The following ANK3 variants were observed in gnomAD, a reference collection of about 807,000 sequenced individuals.
ANK3 encodes the protein ankyrin 3, also known as ankyrin-3.
Under a neutral mutation model 370.9 loss-of-function variants are expected in ANK3, and 57 were observed. The ratio of observed to expected loss-of-function variants is 0.15; its 90% CI spans 0.12 to 0.19. The LOEUF is 0.19. ANK3 is among the 10% of genes least tolerant of loss of function. The pLI is 1.00. For missense variants in ANK3, 4,439 were observed against 5,302.1 expected, an observed-to-expected ratio of 0.84 and a Z score of 5.06; for synonymous variants, 1,929 against 1,946.3, an observed-to-expected ratio of 0.99 and a Z score of 0.23.
At chr10:60,204,364 T>C (rs553558995) in intron 11 of ANK3, among the ~76,000 whole-genome samples, 1 of 152,140 alleles carries the variant, frequency 6.6e-6, no homozygotes, top group South Asian at 2.1e-4. Flanking sequence ...GAATTTACTT[T>C]TATTTTAGAG....
intron 2 of ANK3, among the ~76,000 whole-genome samples, chr10:60,579,919 C>T (rs1053978736): frequency 6.6e-6 from 1 of 152,204 alleles, no homozygotes; most frequent in East Asian, 1.9e-4. Context: ...TAAGAATCAG[C>T]AGTGAAAATG....
At chr10:60,668,757 G>C (rs2133378922) in intron 1 of ANK3, among the ~76,000 whole-genome samples, 1 of 152,234 alleles carries the variant, frequency 6.6e-6, no homozygotes, top group East Asian at 1.9e-4. Flanking sequence ...ACTTTGGGAG[G>C]CTGAGGCGGG....
At chr10:60,496,812 G>A (rs2075670461) in intron 2 of ANK3, among the ~76,000 whole-genome samples, 1 of 151,778 alleles carries the variant, frequency 6.6e-6, no homozygotes, top group Non-Finnish European at 1.5e-5. Context: ...TGCTTGGCCG[G>A]GAGGTAGGTC....
chr10:60,684,823 A>T (rs922125761), intron 1 of ANK3: 1 of 1,527,320 alleles, frequency 6.5e-7, no homozygotes, highest in Non-Finnish European at 9.0e-7. Context: ...TGATATCGAA[A>T]GGATGGAAGA....
At chr10:60,253,177 T>G (rs939345176) in intron 7 of ANK3, among the ~76,000 whole-genome samples, 3 of 152,190 alleles carry the variant, frequency 2.0e-5, no homozygotes, top group Non-Finnish European at 4.4e-5. Context: ...GGAGGGAAGC[T>G]GAAGACTACC....
At chr10:60,475,297 A>T (rs2075033106) in intron 2 of ANK3, among the ~76,000 whole-genome samples, 1 of 151,794 alleles carries the variant, frequency 6.6e-6, no homozygotes, top group Admixed American at 6.6e-5. Context: ...TGACAGAAAA[A>T]GTTTTACCAT....
At chr10:60,096,338 T>C (rs1589925719) in intron 28 of ANK3, among the ~76,000 whole-genome samples, 1 of 152,292 alleles carries the variant, frequency 6.6e-6, no homozygotes, top group East Asian at 1.9e-4. Context: ...TCCTTACTAA[T>C]TAGGTCAAAG....
chr10:60,525,881 C>G (rs983306862), intron 2 of ANK3, among the ~76,000 whole-genome samples: 1 of 152,076 alleles, frequency 6.6e-6, no homozygotes, highest in Non-Finnish European at 1.5e-5. Flanking sequence ...GATGTGAAAG[C>G]TCTAACATTA....
intron 2 of ANK3, among the ~76,000 whole-genome samples, chr10:60,478,578 A>ATAT (rs1270642450): frequency 6.6e-6 from 1 of 152,108 alleles, no homozygotes; most frequent in Non-Finnish European, 1.5e-5. Flanking sequence ...ACAAAGAAAT[A>ATAT]CTGTACAAGA....
chr10:60,431,803 A>C (rs2064031817), intron 2 of ANK3, among the ~76,000 whole-genome samples: 2 of 152,170 alleles, frequency 1.3e-5, no homozygotes, highest in South Asian at 4.1e-4. Context: ...ATAATTTAAA[A>C]AATGTAAATT....
intron 1 of ANK3, among the ~76,000 whole-genome samples, chr10:60,713,296 T>C (rs749230139): frequency 6.6e-6 from 1 of 151,748 alleles, no homozygotes; most frequent in Non-Finnish European, 1.5e-5. Context: ...AAACAAGTAA[T>C]AGAAAGATAA....
intron 7 of ANK3, among the ~76,000 whole-genome samples, chr10:60,235,604 T>C (rs1042499032): frequency 3.4e-5 from 5 of 148,976 alleles, no homozygotes; most frequent in Non-Finnish European, 7.4e-5. Flanking sequence ...TCTCGTTATA[T>C]TGCTTAGGCT....
At chr10:60,678,075 A>C (rs2079149777) in intron 1 of ANK3, among the ~76,000 whole-genome samples, 1 of 152,248 alleles carries the variant, frequency 6.6e-6, no homozygotes, top group Admixed American at 6.5e-5. Flanking sequence ...TATAAAACAC[A>C]GACTGAGAAC....
At chr10:60,094,999 AG>A in intron 28 of ANK3, among the ~76,000 whole-genome samples, 1 of 152,250 alleles carries the variant, frequency 6.6e-6, no homozygotes, top group Non-Finnish European at 1.5e-5. Flanking sequence ...ATCCCCAGAC[AG>A]CTGGAGAGAG....
chr10:60,285,875 C>G (rs2098236818), intron 1 of ANK3, among the ~76,000 whole-genome samples: 1 of 152,120 alleles, frequency 6.6e-6, no homozygotes, highest in Non-Finnish European at 1.5e-5. Context: ...CGAAGATTAT[C>G]CTAGCCACCC....
rs758751288 is a variant in ANK3, at chr10:60,173,121, G to A, written c.2250C>T (p.Leu750=). Residue 750 remains leucine, a synonymous_variant, in exon 19 of 44, where the codon CTC becomes CTT. Coordinates refer to ENST00000280772, the MANE Select transcript of ANK3 (RefSeq NM_020987.5). ...YGNIKIVNFL[L]QHSAKVNAKT... ...TGGCATTAACTTTTGCAGAATGCTG[G>A]AGCAGGAAATTAACAATCTTGATAT... The A allele has an allele frequency of 5.0e-6, 8 of 1,613,964 alleles. No individual in the cohort carries two copies. In the African/African-American group the frequency reaches 8.0e-5, roughly 16 times the overall value.
intron 2 of ANK3, among the ~76,000 whole-genome samples, chr10:60,565,593 G>A (rs2077440719): frequency 6.6e-6 from 1 of 152,094 alleles, no homozygotes; most frequent in African/African-American, 2.4e-5. Context: ...ATTGTATCTT[G>A]CCGTAACTCA....
chr10:60,176,981 C>A (rs2095982694), intron 18 of ANK3, among the ~76,000 whole-genome samples: 1 of 152,152 alleles, frequency 6.6e-6, no homozygotes, highest in African/African-American at 2.4e-5. Flanking sequence ...AAATAATCTT[C>A]ATTCACTGTT....
At chr10:60,671,761 C>T (rs1478302326) in intron 1 of ANK3, among the ~76,000 whole-genome samples, 3 of 152,212 alleles carry the variant, frequency 2.0e-5, no homozygotes, top group Admixed American at 6.5e-5. Context: ...GGGGAGAATC[C>T]AGCAGCCATG....
Sources: allele counts gnomAD v4.1 joint callset (sites outside exome capture counted in the v4.1 genomes callset), GRCh38; gene constraint gnomAD v4.1.1; transcripts MANE v1.5; gene names NCBI Gene and HGNC (gene_info 2026-07-23, HGNC 2026-07-21).